Variants in DNASE2 observed in about 807,000 individuals in gnomAD.
DNASE2 encodes the protein deoxyribonuclease 2, lysosomal.
A neutral mutation model predicts 29.8 loss-of-function variants in DNASE2; 26 were observed. The ratio of observed to expected loss-of-function variants is 0.87; its 90% confidence interval spans 0.64 to 1.21. The LOEUF (loss-of-function observed/expected upper bound fraction) is 1.21, where lower values mean the gene tolerates loss of function less well. Ranked by LOEUF, DNASE2 falls within the 50% of genes most tolerant of loss-of-function variation. The pLI, the probability that DNASE2 is intolerant of heterozygous loss-of-function variation, is 0.00. For synonymous variants in DNASE2, 186 were observed against 193.5 expected, an observed-to-expected ratio of 0.96 and a Z score of 0.32; for missense variants, 415 against 455.6, an observed-to-expected ratio of 0.91 and a Z score of 0.81.
intron 3 of DNASE2, among the ~76,000 whole-genome samples, chr19:12,879,687 C>A (rs969482089): frequency 1.3e-5 from 2 of 152,120 alleles, no homozygotes; most frequent in African/African-American, 4.8e-5. Context: ...GGTAGGGAAA[C>A]AGGCCAGGTG....
At chr19:12,879,287 C>A (rs998596609) in intron 3 of DNASE2, among the ~76,000 whole-genome samples, 2 of 150,878 alleles carry the variant, frequency 1.3e-5, no homozygotes, top group African/African-American at 4.9e-5. Context: ...GAGTTCAAGA[C>A]CAGCCTGGCC....
rs940135440 is a variant in DNASE2 at position 12,881,427 on chromosome 19, G to T, written c.-52C>A. Reference sequence around the variant, plus strand: ...ATCTGTGTCGGGACTGCGGGGCGCTGGGTTACATCAGAGGCCAGGACTGGC... The same window carrying T: ...ATCTGTGTCGGGACTGCGGGGCGCTTGGTTACATCAGAGGCCAGGACTGGC... On this transcript the variant is annotated 5_prime_UTR_variant, in exon 1 of 6. Transcript: ENST00000222219. 1.9e-6 allele frequency: 3 copies of T among 1,546,778 alleles called. No individual in the cohort carries two copies. In the Admixed American group the frequency reaches 5.9e-5, roughly 30 times the overall value.
chr19:12,878,624 T>C (rs757441500), intron 4 of DNASE2, 45 bp from the exon 5 acceptor site: 1 of 1,613,958 alleles, frequency 6.2e-7, no homozygotes, highest in South Asian at 1.1e-5. Flanking sequence ...TTCCAGGTTC[T>C]GGTCAGTAAA....
In DNASE2 at chr19:12,876,163, C is replaced by T. The variant is rs775952490; in HGVS notation, c.910G>A (p.Gly304Arg). Residue 304 changes from glycine (G) to arginine (R), a missense_variant, in exon 6 of 6, where the codon GGG becomes AGG. By Grantham distance (125) the Gly-to-Arg change is moderately radical (BLOSUM62 -2). Coordinates refer to ENST00000222219, the MANE Select transcript of DNASE2 (RefSeq NM_001375.3). ...DHSKWCVSPK[G>R]PWTCVGDMNR... ...ATGTCACCCACGCAGGTCCAGGGCC[C>T]TTTTGGGGACACGCACCATTTGGAG... is the stretch of plus-strand genomic sequence containing the variant. 13 of 1,614,098 alleles carry T rather than the reference C, an allele frequency of 8.1e-6. No individual in the cohort carries two copies. In the South Asian group the frequency reaches 1.2e-4, roughly 15 times the overall value.
Position 12,880,966 on chromosome 19 carries a change from C to G in DNASE2, c.267+6G>C. 6.2e-7 allele frequency: 1 copy of G among 1,614,216 alleles called. No homozygotes were observed. Among genetic ancestry groups the G allele is most frequent in the Non-Finnish European group, 8.5e-7 (1 of 1,180,046 alleles). ...TCGCCCCTAGTTGGCCCGGGGCCCC[C>G]TTCACCTGGCTGGTGTTGCTCCGGT... On this transcript the variant is annotated splice_donor_region_variant and intron_variant, in intron 2 of 5. Coordinates refer to ENST00000222219, the MANE Select transcript of DNASE2 (RefSeq NM_001375.3).
intron 3 of DNASE2, among the ~76,000 whole-genome samples, chr19:12,879,697 GTGGC>G (rs1269428436): frequency 6.6e-6 from 1 of 152,196 alleles, no homozygotes. Context: ...CAGGCCAGGT[GTGGC>G]GGCTCATGCC....
chr19:12,875,386 A>G lies in DNASE2; in HGVS notation c.*604T>C, dbSNP rs879797973. On this transcript the variant is annotated 3_prime_UTR_variant, in exon 6 of 6. Transcript: ENST00000222219. ...AGTCCAAACTGGTTCCTGAGCCCTT[A>G]GATTTTTTATTTTTTATTTTTTTGA... 5 of 162,012 alleles carry G rather than the reference A, an allele frequency of 3.1e-5. No homozygotes were observed. Among genetic ancestry groups the G allele is most frequent in the Non-Finnish European group, 6.8e-5 (5 of 73,644 alleles). 10.0% of individuals were successfully genotyped at this position (162,012 alleles called of 1,614,324 possible). A position where few individuals can be genotyped will look rare whatever the true frequency, so the allele number is the denominator to read the frequency against.
chr19:12,876,142 C>T lies in DNASE2; in HGVS notation c.931G>A (p.Asp311Asn), dbSNP rs780684139. 1.2e-6 allele frequency: 2 copies of T among 1,614,234 alleles called. No individual in the cohort carries two copies. Among genetic ancestry groups the T allele is most frequent in the South Asian group, 2.2e-5 (2 of 91,090 alleles). ...TCCTCTCCCTGGTTCCGATTCATGTCACCCACGCAGGTCCAGGGCCCTTTT... is the reference window on the plus strand; with the variant it reads ...TCCTCTCCCTGGTTCCGATTCATGTTACCCACGCAGGTCCAGGGCCCTTTT... ...SPKGPWTCVG[D>N]MNRNQGEEQR... The change falls in exon 6 of 6, where the codon GAC (aspartate) becomes AAC (asparagine). Residue 311 changes from aspartate (D) to asparagine (N), a missense_variant. By Grantham distance (23) the Asp-to-Asn change is conservative (BLOSUM62 1). Coordinates refer to ENST00000222219, the MANE Select transcript of DNASE2 (RefSeq NM_001375.3).
chr19:12,878,022 C>T lies in DNASE2; in HGVS notation c.709+360G>A, dbSNP rs541135622. 3.0e-4 allele frequency: 104 copies of T among 348,494 alleles called. 1 individual carries two copies. The highest frequency in any genetic ancestry group is 2.4e-3 in the South Asian group (103 of 42,408). The allele number at this position is 348,494 out of a possible 1,614,324, so 21.6% of individuals were successfully genotyped here. A position where few individuals can be genotyped will look rare whatever the true frequency, so the allele number is the denominator to read the frequency against. ...TAGAGATGAGGTCTTGCTATGTTTC[C>T]CAGGCTTGTCTTGGATGCCTGTCTT... is the stretch of plus-strand genomic sequence containing the variant. On this transcript the variant is annotated intron_variant, in intron 5 of 5. Transcript: ENST00000222219.
chr19:12,877,732 G>C (rs1970337129), intron 5 of DNASE2, among the ~76,000 whole-genome samples: 2 of 151,516 alleles, frequency 1.3e-5, no homozygotes, highest in South Asian at 2.1e-4. Context: ...TTTTAGTAGA[G>C]ACAGGGTTTC....
intron 5 of DNASE2, among the ~76,000 whole-genome samples, chr19:12,876,604 C>G (rs1447508661): frequency 2.7e-5 from 4 of 149,310 alleles, no homozygotes; most frequent in African/African-American, 7.4e-5. Flanking sequence ...GGACTACAGG[C>G]ATGCACAACC....
At chr19:12,876,415 G>T (rs755450267) in intron 5 of DNASE2, 52 bp from the exon 6 acceptor site, 1 of 1,592,148 alleles carries the variant, frequency 6.3e-7, no homozygotes, top group South Asian at 1.1e-5. Flanking sequence ...CTGCGAGGGA[G>T]TCCCTAGTCC....
intron 1 of DNASE2, 29 bp downstream of exon 1, chr19:12,881,261 C>T: frequency 6.3e-7 from 1 of 1,588,640 alleles, no homozygotes; most frequent in Non-Finnish European, 8.6e-7. Flanking sequence ...GACCCCGGGG[C>T]GATGGTAGGC....
chr19:12,880,102 C>CAAA (rs71168631), intron 3 of DNASE2, among the ~76,000 whole-genome samples: 5 of 42,454 alleles, frequency 1.2e-4, no homozygotes, highest in Admixed American at 6.8e-4. Flanking sequence ...GAGAGTGCCG[C>CAAA]AAAAAAAAAA....
At position 12,875,875 on chromosome 19, in the gene DNASE2, G is replaced by T. The variant is rs1198120021; in HGVS notation, c.*115C>A. ...TTTTTTAAGTTCTAGTAGAGATGTG[G>T]TCTCACTATGTAGCCCAGGCTGGTC... On this transcript the variant is annotated 3_prime_UTR_variant, in exon 6 of 6. Coordinates refer to ENST00000222219, the MANE Select transcript of DNASE2 (RefSeq NM_001375.3). The T allele has an allele frequency of 7.4e-7, 1 of 1,357,930 alleles. No individual in the cohort carries two copies. Among genetic ancestry groups the T allele is most frequent in the South Asian group, 1.3e-5 (1 of 76,692 alleles). The allele number at this position is 1,357,930 out of a possible 1,614,324, so 84.1% of individuals were successfully genotyped here. A position where few individuals can be genotyped will look rare whatever the true frequency, so the allele number is the denominator to read the frequency against.
At chr19:12,878,964 G>A (rs1336798261) in intron 3 of DNASE2, 130 bp from the exon 4 acceptor site, 31 of 1,163,572 alleles carry the variant, frequency 2.7e-5, no homozygotes, top group Admixed American at 6.1e-5. Context: ...CCAACATGGC[G>A]AAACCCCATC....
At position 12,878,422 on chromosome 19, in the gene DNASE2, A is replaced by T; in HGVS notation, c.669T>A (p.Ala223=). 1 of 1,613,340 alleles carries T rather than the reference A, an allele frequency of 6.2e-7. No homozygotes were observed. The highest frequency in any genetic ancestry group is 8.5e-7 in the Non-Finnish European group (1 of 1,180,028). The change falls in exon 5 of 6, where the codon GCT becomes GCA. Residue 223 remains alanine, a synonymous_variant. Transcript: ENST00000222219. ...SSITLTSQAG[A]VFQSFAKFSK... Reference sequence around the variant, plus strand: ...TGAACTTGGCAAAGCTCTGGAAAACAGCCCCGGCCTGGGATGTGAGTGTGA... The same window carrying T: ...TGAACTTGGCAAAGCTCTGGAAAACTGCCCCGGCCTGGGATGTGAGTGTGA...
intron 5 of DNASE2, 153 bp downstream of exon 5, chr19:12,878,229 A>G: frequency 1.0e-6 from 1 of 954,396 alleles, no homozygotes; most frequent in Non-Finnish European, 1.7e-6. Context: ...ACACAGCAAA[A>G]CCCAGGGTTT....
chr19:12,879,296 C>A (rs2145921960), intron 3 of DNASE2, among the ~76,000 whole-genome samples: 1 of 151,714 alleles, frequency 6.6e-6, no homozygotes, highest in South Asian at 2.1e-4. Context: ...ACCAGCCTGG[C>A]CAACATGGAG....
Sources: gnomAD v4.1 joint callset for allele counts (sites outside exome capture counted in the v4.1 genomes callset) on GRCh38, gnomAD v4.1.1 for gene constraint, MANE v1.5 for transcripts, NCBI Gene and HGNC (gene_info 2026-07-23, HGNC 2026-07-21) for gene names.